RPS6KA2: variants seen among roughly 807,000 people sequenced by gnomAD.
The protein encoded by RPS6KA2 is ribosomal protein S6 kinase alpha-2.
A neutral mutation model predicts 91.8 loss-of-function variants in RPS6KA2; 42 were observed. That is an observed-to-expected ratio of 0.46 (90% CI 0.36 to 0.59). RPS6KA2 has a LOEUF of 0.59. Among genes scored for constraint, RPS6KA2 ranks in the 20% least tolerant of loss-of-function variants. RPS6KA2 has a pLI of 0.00. For missense variants in RPS6KA2, 798 were observed against 978.5 expected (o/e 0.82, Z 2.46); for synonymous variants, 414 against 393.6 (o/e 1.05, Z -0.61).
intron 1 of RPS6KA2, among the ~76,000 whole-genome samples, chr6:166,610,135 A>G (rs964607359): frequency 6.6e-6 from 1 of 152,198 alleles, no homozygotes; most frequent in African/African-American, 2.4e-5. Flanking sequence ...AAACAGCGTG[A>G]GGGAAAGATG....
At chr6:166,477,749 A>C (rs1781029440) in intron 10 of RPS6KA2, among the ~76,000 whole-genome samples, 1 of 152,158 alleles carries the variant, frequency 6.6e-6, no homozygotes, top group Admixed American at 6.5e-5. Context: ...CTTCTCTACA[A>C]AACAGTAATA....
At chr6:166,803,965 A>G (rs1043612922) in intron 2 of RPS6KA2, among the ~76,000 whole-genome samples, 2 of 152,354 alleles carry the variant, frequency 1.3e-5, no homozygotes, top group Admixed American at 1.3e-4. Context: ...AGTCTGTTCT[A>G]GTGTAACCCT....
chr6:166,738,465 G>A (rs536882764), intron 2 of RPS6KA2, among the ~76,000 whole-genome samples: 1 of 152,210 alleles, frequency 6.6e-6, no homozygotes, highest in South Asian at 2.1e-4. Context: ...CCTCAAAACA[G>A]AGGAATTCAT....
At chr6:166,810,958 C>T (rs976142988) in intron 2 of RPS6KA2, among the ~76,000 whole-genome samples, 1 of 152,192 alleles carries the variant, frequency 6.6e-6, no homozygotes, top group Non-Finnish European at 1.5e-5. Context: ...TCCATCTTCC[C>T]TCGAGAAGCC....
In RPS6KA2 at chr6:166,410,532, C is replaced by T. The variant is rs1024901324; in HGVS notation, c.*2230G>A. ...GCAGGGCCAAGCCAGTGTTCTCCTC[C>T]GCTGATGCACATCAAATACATGTAA... On this transcript the variant is annotated 3_prime_UTR_variant, in exon 21 of 21. Coordinates refer to ENST00000265678, the MANE Select transcript of RPS6KA2 (RefSeq NM_021135.6). 2 of 152,430 alleles carry T rather than the reference C, an allele frequency of 1.3e-5. No homozygotes were observed. Among genetic ancestry groups the T allele is most frequent in the Non-Finnish European group, 2.9e-5 (2 of 68,022 alleles). The allele number at this position is 152,430 out of a possible 1,614,324, so 9.4% of individuals were successfully genotyped here.
intron 2 of RPS6KA2, among the ~76,000 whole-genome samples, chr6:166,687,457 T>A (rs868589924): frequency 6.6e-6 from 1 of 152,168 alleles, no homozygotes; most frequent in East Asian, 1.9e-4. Context: ...GTTGCTGTTC[T>A]AGTGGGGGCA....
At chr6:166,481,290 G>T (rs1478675686) in intron 10 of RPS6KA2, among the ~76,000 whole-genome samples, 1 of 152,264 alleles carries the variant, frequency 6.6e-6, no homozygotes, top group African/African-American at 2.4e-5. Flanking sequence ...ACTGAGCAAA[G>T]CTCAAAGTGG....
Position 166,767,776 on chromosome 6 carries a change from CACACACACACACACACACACA to C in RPS6KA2, c.123+90403_123+90423del, listed in dbSNP as rs1478908074. Among the ~76,000 whole-genome samples, 6 of 2,940 alleles carry C rather than the reference CACACACACACACACACACACA, an allele frequency of 2.0e-3. No individual in the cohort carries two copies. The highest frequency in any genetic ancestry group is 8.2e-3 in the East Asian group (3 of 364). The allele number at this position is 2,940 out of a possible 152,430, so 1.9% of individuals were successfully genotyped here. On this transcript the variant is annotated intron_variant, in intron 2 of 21. Transcript: ENST00000503859. The surrounding 1 kb of genome is among the most constrained non-coding windows in gnomAD (Gnocchi z 4.6). ...GAACTAAAGACAATACCTCCTCAAA[CACACACACACACACACACACA>C]CACACACACACACACACACCCTGGT...
intron 5 of RPS6KA2, 22 bp from the exon 6 acceptor site, chr6:166,504,634 C>CA (rs776283422): frequency 7.3e-4 from 1,110 of 1,515,876 alleles, no homozygotes; most frequent in Admixed American, 2.2e-3. Flanking sequence ...AAAACAAAAA[C>CA]AAAAACAAAA....
chr6:166,640,379 T>A (rs928885696), intron 2 of RPS6KA2, among the ~76,000 whole-genome samples: 1 of 152,196 alleles, frequency 6.6e-6, no homozygotes, highest in Non-Finnish European at 1.5e-5. Context: ...CTACTAGAGA[T>A]GAGAACTTGA....
At chr6:166,625,577 G>A (rs1266879863) in intron 1 of RPS6KA2, among the ~76,000 whole-genome samples, 1 of 151,836 alleles carries the variant, frequency 6.6e-6, no homozygotes, top group African/African-American at 2.4e-5. Flanking sequence ...TAATAAACTT[G>A]GCATTGAGAT....
chr6:166,459,364 A>G lies in RPS6KA2; in HGVS notation c.1075+85T>C. 1 of 783,350 alleles carries G rather than the reference A, an allele frequency of 1.3e-6. No homozygotes were observed. The highest frequency in any genetic ancestry group is 2.1e-6 in the Non-Finnish European group (1 of 470,598). The allele number at this position is 783,350 out of a possible 1,614,324, so 48.5% of individuals were successfully genotyped here. On this transcript the variant is annotated intron_variant, in intron 12 of 20. Transcript: ENST00000265678. The surrounding 1 kb of genome is among the most constrained non-coding windows in gnomAD (Gnocchi z 4.9). The stretch of plus-strand genomic sequence containing the variant: ...TTTTCCATGAAAAGAATTCTGAGGC[A>G]TGGGAATTTCTTGTTCCTAGATATC...
At chr6:166,675,746 T>C (rs1283874871) in intron 2 of RPS6KA2, among the ~76,000 whole-genome samples, 2 of 152,260 alleles carry the variant, frequency 1.3e-5, no homozygotes, top group Non-Finnish European at 2.9e-5. Flanking sequence ...TATTTGTTTT[T>C]GTGTTTTAGC....
chr6:166,480,507 ATATATAT>A lies in RPS6KA2; in HGVS notation c.907+8319_907+8325del, dbSNP rs1562523932. Among the ~76,000 whole-genome samples, 59 of 100,544 alleles carry A rather than the reference ATATATAT, an allele frequency of 5.9e-4. 1 individual carries two copies. Among genetic ancestry groups the A allele is most frequent in the African/African-American group, 2.0e-3 (54 of 26,642 alleles). 66.0% of individuals were successfully genotyped at this position (100,544 alleles called of 152,430 possible). The stretch of plus-strand genomic sequence containing the variant: ...TATATATATATATATATATATATAT[ATATATAT>A]AATATATTTTTTTTTTTTGAGAGAG... On this transcript the variant is annotated intron_variant, in intron 10 of 20. Transcript: ENST00000265678.
At chr6:166,697,807 A>T (rs1415643394) in intron 2 of RPS6KA2, among the ~76,000 whole-genome samples, 5 of 152,176 alleles carry the variant, frequency 3.3e-5, no homozygotes, top group African/African-American at 1.2e-4. Flanking sequence ...ACACCCGACT[A>T]AGCAACATGG....
chr6:166,427,299 T>A (rs2128443695), intron 16 of RPS6KA2, among the ~76,000 whole-genome samples: 1 of 152,210 alleles, frequency 6.6e-6, no homozygotes, highest in East Asian at 1.9e-4. Context: ...ATGGGACGTA[T>A]CTCAAAATAA....
rs748650513 is a variant in RPS6KA2, at chr6:166,666,509, A to G, written c.124-127725T>C. ...AGCATATGGAAAGATGCTCAACGCC[A>G]GTCACTAATCCTTAGGGAAATGCAA... On this transcript the variant is annotated intron_variant, in intron 2 of 21. Transcript: ENST00000503859. This position sits in a 1 kb window ranked among gnomAD's most constrained non-coding sequence, Gnocchi z 4.0. 1.3e-5 allele frequency among the ~76,000 whole-genome samples: 2 copies of G among 152,246 alleles called. No individual in the cohort carries two copies. The highest frequency in any genetic ancestry group is 6.5e-5 in the Admixed American group (1 of 15,282).
At chr6:166,681,064 T>C (rs9366046) in intron 2 of RPS6KA2, among the ~76,000 whole-genome samples, 60,455 of 152,048 alleles carry the variant, frequency 0.4, 13,552 homozygotes, top group African/African-American at 0.62. Context: ...TCAGGCTTTG[T>C]TCCCTAGTGA....
intron 12 of RPS6KA2, among the ~76,000 whole-genome samples, chr6:166,457,195 C>T (rs142732247): frequency 1.1e-3 from 167 of 152,286 alleles, no homozygotes; most frequent in South Asian, 3.5e-3. Flanking sequence ...TTAGGGACAA[C>T]GATCTCGTGG....
Sources: gnomAD v4.1 joint callset for allele counts (sites outside exome capture counted in the v4.1 genomes callset) on GRCh38, gnomAD v4.1.1 for gene constraint, Gnocchi (gnomAD v3.1) non-coding constraint, MANE v1.5 for transcripts, NCBI Gene and HGNC (gene_info 2026-07-23, HGNC 2026-07-21) for gene names.